Variants in IRF2 observed in about 807,000 individuals in gnomAD.
IRF2 encodes the protein interferon regulatory factor 2.
In IRF2, 15 loss-of-function variants were observed where a neutral mutation model predicts 40.6. That is an observed-to-expected ratio of 0.37 (90% CI 0.25 to 0.57). IRF2 has a LOEUF of 0.57. Ranked by LOEUF, IRF2 falls within the 20% of genes least tolerant of loss-of-function variation. IRF2 has a pLI of 0.77. For missense variants in IRF2, 317 were observed against 455.7 expected (o/e 0.70, Z 2.77); for synonymous variants, 151 against 165.5 (o/e 0.91, Z 0.67).
intron 1 of IRF2, among the ~76,000 whole-genome samples, chr4:184,469,231 G>A (rs1168816967): frequency 2.0e-5 from 3 of 152,182 alleles, no homozygotes; most frequent in African/African-American, 7.2e-5. Flanking sequence ...ACGGGATGGT[G>A]AGTTTCTCTC....
intron 6 of IRF2, among the ~76,000 whole-genome samples, chr4:184,401,401 G>A (rs1442551570): frequency 6.6e-6 from 1 of 152,164 alleles, no homozygotes; most frequent in Admixed American, 6.5e-5. Context: ...TGTGATACAA[G>A]AGTCCAAAAG....
In IRF2 at chr4:184,388,741, C is replaced by T. The variant is rs533129448; in HGVS notation, c.*17G>A. 2.0e-5 allele frequency: 31 copies of T among 1,587,312 alleles called. No individual in the cohort carries two copies. Among genetic ancestry groups the T allele is most frequent in the Admixed American group, 1.4e-4 (7 of 50,636 alleles). On this transcript the variant is annotated 3_prime_UTR_variant, in exon 9 of 9. Transcript: ENST00000393593. The surrounding 1 kb of genome is among the most constrained non-coding windows in gnomAD (Gnocchi z 4.6). The stretch of plus-strand genomic sequence containing the variant: ...AAAGCCAAGAAGCCCCAACAACCAC[C>T]GCGGAGAGTCAGAGGCTTAACAGCT...
intron 2 of IRF2, among the ~76,000 whole-genome samples, chr4:184,427,865 T>A (rs567498289): frequency 1.1e-3 from 168 of 152,232 alleles, no homozygotes; most frequent in Middle Eastern, 0.01. Context: ...GCCAGCTAAA[T>A]TATTCATTGT....
chr4:184,392,061 A>C (rs1282700170), intron 7 of IRF2, among the ~76,000 whole-genome samples: 1 of 152,248 alleles, frequency 6.6e-6, no homozygotes, highest in Non-Finnish European at 1.5e-5. Flanking sequence ...TATGCTTATA[A>C]AAAGCTTTTT....
At chr4:184,431,952 A>G (rs939084374) in intron 1 of IRF2, 5 of 152,110 alleles carry the variant, frequency 3.3e-5, no homozygotes, top group Non-Finnish European at 5.9e-5. Context: ...TCCAGCCCAC[A>G]GTGGTTCCCG....
At chr4:184,391,630 C>G (rs1324456688) in intron 7 of IRF2, among the ~76,000 whole-genome samples, 1 of 152,238 alleles carries the variant, frequency 6.6e-6, no homozygotes, top group African/African-American at 2.4e-5. Context: ...GATGAGACAG[C>G]AGCTGTAGCC....
intron 1 of IRF2, among the ~76,000 whole-genome samples, chr4:184,433,426 G>A (rs76893047): frequency 1.3e-4 from 20 of 152,230 alleles, no homozygotes; most frequent in Non-Finnish European, 2.1e-4. Flanking sequence ...TCGGCGTGCC[G>A]GGCTTGTCAT....
At chr4:184,453,232 A>T (rs1738791390) in intron 1 of IRF2, among the ~76,000 whole-genome samples, 1 of 152,208 alleles carries the variant, frequency 6.6e-6, no homozygotes, top group Admixed American at 6.5e-5. Flanking sequence ...AGAAAAATTT[A>T]TGCAAGGCCA....
chr4:184,395,492 T>C (rs17624070), intron 7 of IRF2, among the ~76,000 whole-genome samples: 7,358 of 149,356 alleles, frequency 0.049, 190 homozygotes, highest in South Asian at 0.076. Context: ...AACTCCATCA[T>C]GAAAAACAGG....
In IRF2 at chr4:184,395,293, G is replaced by A. The variant is rs559818532; in HGVS notation, c.694+3622C>T. On this transcript the variant is annotated intron_variant, in intron 7 of 8. Coordinates refer to ENST00000393593, the MANE Select transcript of IRF2 (RefSeq NM_002199.4). ...CCGGGCTTGGTTGTGGGTGCCTGTA[G>A]TCCCAGCTACTCGGGAGGCTGAGGC... 2.0e-4 allele frequency among the ~76,000 whole-genome samples: 31 copies of A among 151,238 alleles called. No individual in the cohort carries two copies. In the South Asian group the frequency reaches 4.2e-3, roughly 21 times the overall value.
chr4:184,433,118 G>T (rs1211380030), intron 1 of IRF2, among the ~76,000 whole-genome samples: 1 of 152,124 alleles, frequency 6.6e-6, no homozygotes, highest in Non-Finnish European at 1.5e-5. Context: ...GACTGAAGAG[G>T]AAACCGAAGG....
chr4:184,432,842 A>G (rs1277972704), intron 1 of IRF2, among the ~76,000 whole-genome samples: 5 of 152,170 alleles, frequency 3.3e-5, no homozygotes, highest in Non-Finnish European at 1.5e-5. Context: ...GCAAGGAAGG[A>G]TTCTCCCCAA....
At chr4:184,410,473 G>A (rs1251785601) in intron 5 of IRF2, among the ~76,000 whole-genome samples, 1 of 152,100 alleles carries the variant, frequency 6.6e-6, no homozygotes, top group African/African-American at 2.4e-5. Context: ...TGAACTGTCT[G>A]ACACTGCTGC....
At chr4:184,433,447 G>T (rs1737963272) in intron 1 of IRF2, among the ~76,000 whole-genome samples, 1 of 152,136 alleles carries the variant, frequency 6.6e-6, no homozygotes, top group Admixed American at 6.5e-5. Flanking sequence ...CCACCGGCTG[G>T]GTGCATTCCT....
Position 184,429,045 on chromosome 4 carries a change from C to T in IRF2, c.20G>A (p.Arg7His), listed in dbSNP as rs1737773597. Residue 7 changes from arginine (R) to histidine (H), a missense_variant, in exon 2 of 9, where the codon CGC (arginine) becomes CAC (histidine). Coordinates refer to ENST00000393593, the MANE Select transcript of IRF2 (RefSeq NM_002199.4). ...CTGCTCCTCCAGCCACGGGCGCATG[C>T]GCATCCTTTCCACCGGCATGGTGCC... MPVERM[R>H]MRPWLEEQIN... 2 of 1,614,038 alleles carry T rather than the reference C, an allele frequency of 1.2e-6. No individual in the cohort carries two copies. The highest frequency in any genetic ancestry group is 1.7e-6 in the Non-Finnish European group (2 of 1,179,898).
chr4:184,422,901 A>G (rs556928882), intron 2 of IRF2, among the ~76,000 whole-genome samples: 3 of 152,248 alleles, frequency 2.0e-5, no homozygotes, highest in Admixed American at 1.3e-4. Flanking sequence ...GCTGCATGAC[A>G]TCGTGAATGT....
At chr4:184,422,256 A>G (rs1737509257) in intron 2 of IRF2, among the ~76,000 whole-genome samples, 2 of 152,252 alleles carry the variant, frequency 1.3e-5, no homozygotes, top group Non-Finnish European at 2.9e-5. Flanking sequence ...ACCCACAGAC[A>G]TGTCTCCAAA....
At chr4:184,415,918 T>G (rs1737250071) in intron 5 of IRF2, among the ~76,000 whole-genome samples, 1 of 151,968 alleles carries the variant, frequency 6.6e-6, no homozygotes, top group Non-Finnish European at 1.5e-5. Context: ...GGGAAAAGAG[T>G]AGTAAATACG....
In IRF2 at chr4:184,448,534, G is replaced by A. The variant is rs1738598546; in HGVS notation, c.-6-19464C>T. ...TTGAGAGAAAAGCGCTCAGATTTAG[G>A]CGCCAAAGATTTACCTCCAGCCAAA... On this transcript the variant is annotated intron_variant, in intron 1 of 8. Coordinates refer to ENST00000393593, the MANE Select transcript of IRF2 (RefSeq NM_002199.4). The surrounding 1 kb of genome is among the most constrained non-coding windows in gnomAD (Gnocchi z 4.3). 6.6e-6 allele frequency: 1 copy of A among 152,156 alleles called. No homozygotes were observed. The highest frequency in any genetic ancestry group is 2.4e-5 in the African/African-American group (1 of 41,430). The allele number at this position is 152,156 out of a possible 1,614,324, so 9.4% of individuals were successfully genotyped here.
Sources: allele counts gnomAD v4.1 joint callset (sites outside exome capture counted in the v4.1 genomes callset), GRCh38; gene constraint gnomAD v4.1.1; non-coding constraint Gnocchi (gnomAD v3.1); transcripts MANE v1.5; gene names NCBI Gene and HGNC (gene_info 2026-07-23, HGNC 2026-07-21).